The following STAT4 variants were observed in gnomAD, a reference collection of about 807,000 sequenced individuals.
STAT4 encodes the protein signal transducer and activator of transcription 4.
Under a neutral mutation model 110.5 loss-of-function variants are expected in STAT4, and 42 were observed. The observed-to-expected ratio is 0.38, with a 90% CI of 0.30 to 0.49. The LOEUF is 0.49. STAT4 is among the 20% of genes least tolerant of loss of function. The probability of loss-of-function intolerance (pLI) is 0.95; values close to 1 mark genes in which losing one functional copy is unlikely to be tolerated. For missense variants in STAT4, 632 were observed against 887.9 expected, an observed-to-expected ratio of 0.71 and a Z score of 3.66; for synonymous variants, 284 against 302.2, an observed-to-expected ratio of 0.94 and a Z score of 0.63.
intron 3 of STAT4, among the ~76,000 whole-genome samples, chr2:191,123,700 A>C (rs1268447921): frequency 6.6e-6 from 1 of 152,262 alleles, no homozygotes; most frequent in Non-Finnish European, 1.5e-5. Context: ...AAAGTGTTGA[A>C]TATCTCACAT....
intron 13 of STAT4, among the ~76,000 whole-genome samples, chr2:191,055,632 C>T (rs1017720880): frequency 2.0e-5 from 3 of 152,148 alleles, no homozygotes; most frequent in East Asian, 1.9e-4. Context: ...GGATTACAGG[C>T]GTGAGCCACC....
chr2:191,148,068 G>C lies in STAT4; in HGVS notation c.128+8C>G, dbSNP rs770377417. 3.8e-5 allele frequency: 61 copies of C among 1,613,224 alleles called. No homozygotes were observed. Among genetic ancestry groups the C allele is most frequent in the Non-Finnish European group, 4.8e-5 (57 of 1,179,560 alleles). On this transcript the variant is annotated splice_region_variant and intron_variant, in intron 2 of 23. Coordinates refer to ENST00000392320, the MANE Select transcript of STAT4 (RefSeq NM_003151.4). ...ATCAACTTCTAGGGAAAATATGTTT[G>C]ATCCTACCAGTCTTGATTTTCAATC...
intron 3 of STAT4, among the ~76,000 whole-genome samples, chr2:191,088,022 T>G (rs367675245): frequency 5.3e-5 from 8 of 152,150 alleles, no homozygotes; most frequent in African/African-American, 1.9e-4. Context: ...CAGCATCATA[T>G]TGCAAGTAGT....
chr2:191,130,193 T>A (rs73982625), intron 3 of STAT4, among the ~76,000 whole-genome samples: 5,175 of 151,284 alleles, frequency 0.034, 314 homozygotes, highest in African/African-American at 0.12. Flanking sequence ...CCTCACTTGT[T>A]ACTGTTTTGG....
Position 191,060,010 on chromosome 2 carries a change from A to G in STAT4, c.1035-1241T>C, listed in dbSNP as rs888421545. Among the ~76,000 whole-genome samples the G allele has an allele frequency of 2.0e-4, 30 of 152,296 alleles. No homozygotes were observed. The highest frequency in any genetic ancestry group is 7.0e-4 in the African/African-American group (29 of 41,562). On this transcript the variant is annotated intron_variant, in intron 10 of 23. Transcript: ENST00000392320. The surrounding 1 kb of genome is among the most constrained non-coding windows in gnomAD (Gnocchi z 4.5). ...ACAGGAGGATGCAAAAGTATGGCAA[A>G]GAGGGGTTTTAGGAAAACCTTGAGT...
intron 3 of STAT4, among the ~76,000 whole-genome samples, chr2:191,080,355 C>T (rs1424857581): frequency 1.3e-5 from 2 of 152,032 alleles, no homozygotes; most frequent in Non-Finnish European, 2.9e-5. Flanking sequence ...AACTACTTCA[C>T]TTTAGAGTTC....
Position 191,138,162 on chromosome 2 carries a change from T to TA in STAT4, c.273+8450dup, listed in dbSNP as rs1248754348. ...AAAAGGAACTCAAACTATTCAACAG[T>TA]AAAAACCAAATAATCCCATTAAAAA... is the stretch of plus-strand genomic sequence containing the variant. On this transcript the variant is annotated intron_variant, in intron 3 of 23. Transcript: ENST00000392320. The surrounding 1 kb of genome is among the most constrained non-coding windows in gnomAD (Gnocchi z 4.3). Among the ~76,000 whole-genome samples, 2 of 151,532 alleles carry TA rather than the reference T, an allele frequency of 1.3e-5. No homozygotes were observed. Among genetic ancestry groups the TA allele is most frequent in the Non-Finnish European group, 2.9e-5 (2 of 67,810 alleles).
At chr2:191,069,612 T>C in intron 6 of STAT4, 81 bp downstream of exon 6, 4 of 1,078,722 alleles carry the variant, frequency 3.7e-6, no homozygotes, top group Non-Finnish European at 5.6e-6. Flanking sequence ...AGATCAAATT[T>C]ATCCACTCTG....
rs1418264023 is a variant in STAT4 at position 191,147,903 on chromosome 2, C to A, written c.128+173G>T. Among the ~76,000 whole-genome samples the A allele has an allele frequency of 6.6e-6, 1 of 151,936 alleles. No individual in the cohort carries two copies. The highest frequency in any genetic ancestry group is 6.6e-5 in the Admixed American group (1 of 15,252). ...AACTTTTCATTTACAATGAATGGAACCAGAAAGGACAATTATTCCCCTTCT... is the reference window on the plus strand; with the variant it reads ...AACTTTTCATTTACAATGAATGGAAACAGAAAGGACAATTATTCCCCTTCT... On this transcript the variant is annotated intron_variant, in intron 2 of 23. Transcript: ENST00000392320. This position sits in a 1 kb window ranked among gnomAD's most constrained non-coding sequence, Gnocchi z 4.1.
At chr2:191,120,641 G>A (rs1489475973) in intron 3 of STAT4, among the ~76,000 whole-genome samples, 2 of 152,100 alleles carry the variant, frequency 1.3e-5, no homozygotes, top group South Asian at 2.1e-4. Flanking sequence ...ACCATCTGAT[G>A]TTTGACAAAC....
rs750130375 is a variant in STAT4 at position 191,033,183 on chromosome 2, T to C, written c.1853-34A>G. ...ACAGAAATTGGAGAAATATACAGGT[T>C]CCTGTACACATTCCTTGTGACCATT... On this transcript the variant is annotated intron_variant, in intron 20 of 23. Transcript: ENST00000392320. This position sits in a 1 kb window ranked among gnomAD's most constrained non-coding sequence, Gnocchi z 6.9. The C allele has an allele frequency of 6.3e-7, 1 of 1,593,396 alleles. No homozygotes were observed. Among genetic ancestry groups the C allele is most frequent in the South Asian group, 1.1e-5 (1 of 88,678 alleles).
rs1696759192 is a variant in STAT4 at position 191,058,287 on chromosome 2, T to G, written c.1095-68A>C. The stretch of plus-strand genomic sequence containing the variant: ...ATCTAGGAATAACTTTCTATGATAG[T>G]TTATTTTATTTATTTATTTATTTAT... On this transcript the variant is annotated intron_variant, in intron 11 of 23. Coordinates refer to ENST00000392320, the MANE Select transcript of STAT4 (RefSeq NM_003151.4). The surrounding 1 kb of genome is among the most constrained non-coding windows in gnomAD (Gnocchi z 4.3). 1 of 1,381,514 alleles carries G rather than the reference T, an allele frequency of 7.2e-7. No homozygotes were observed. The highest frequency in any genetic ancestry group is 2.2e-5 in the Admixed American group (1 of 46,458). 85.6% of individuals were successfully genotyped at this position (1,381,514 alleles called of 1,614,324 possible). A position where few individuals can be genotyped will look rare whatever the true frequency, so the allele number is the denominator to read the frequency against.
chr2:191,139,324 G>A (rs1699260982), intron 3 of STAT4, among the ~76,000 whole-genome samples: 3 of 152,170 alleles, frequency 2.0e-5, no homozygotes, highest in Admixed American at 2.0e-4. Context: ...GTTTGCTGAT[G>A]ATATAATCGT....
At position 191,138,968 on chromosome 2, in the gene STAT4, T is replaced by C. The variant is rs1399874338; in HGVS notation, c.273+7645A>G. 2.0e-5 allele frequency among the ~76,000 whole-genome samples: 3 copies of C among 152,038 alleles called. No individual in the cohort carries two copies. Among genetic ancestry groups the C allele is most frequent in the African/African-American group, 7.2e-5 (3 of 41,396 alleles). On this transcript the variant is annotated intron_variant, in intron 3 of 23. Transcript: ENST00000392320. This position sits in a 1 kb window ranked among gnomAD's most constrained non-coding sequence, Gnocchi z 4.3. ...TTAACACACGCAAAGTCAATAAATA[T>C]GATACATTACATAAACAGAATTAGA...
rs566520146 is a variant in STAT4, at chr2:191,030,089, C to T, written c.2221-223G>A. The stretch of plus-strand genomic sequence containing the variant: ...ACAGAAAAGTGTTTTAAGAAAAAGG[C>T]CTGTTTATCCACCAAAAACATAATG... On this transcript the variant is annotated intron_variant, in intron 23 of 23. Transcript: ENST00000392320. The surrounding 1 kb of genome is among the most constrained non-coding windows in gnomAD (Gnocchi z 4.4). Among the ~76,000 whole-genome samples the T allele has an allele frequency of 2.0e-5, 3 of 152,216 alleles. No individual in the cohort carries two copies. Among genetic ancestry groups the T allele is most frequent in the Admixed American group, 1.3e-4 (2 of 15,292 alleles).
chr2:191,145,734 G>A (rs1216402929), intron 3 of STAT4, among the ~76,000 whole-genome samples: 2 of 152,196 alleles, frequency 1.3e-5, no homozygotes, highest in African/African-American at 2.4e-5. Flanking sequence ...TGTGTTAATT[G>A]TAGGTTTTGG....
intron 3 of STAT4, among the ~76,000 whole-genome samples, chr2:191,121,246 G>T (rs1298975072): frequency 6.6e-6 from 1 of 152,140 alleles, no homozygotes; most frequent in Admixed American, 6.5e-5. Context: ...CAGTTAGAAT[G>T]GCAATCATTA....
At position 191,034,024 on chromosome 2, in the gene STAT4, A is replaced by C; in HGVS notation, c.1621-19T>G. On this transcript the variant is annotated intron_variant, in intron 18 of 23. Coordinates refer to ENST00000392320, the MANE Select transcript of STAT4 (RefSeq NM_003151.4). The stretch of plus-strand genomic sequence containing the variant: ...AATGTTCCTACAGGAATAGACAAGC[A>C]CATTAAGACAATGATTATTTAAGTA... 2 of 1,473,250 alleles carry C rather than the reference A, an allele frequency of 1.4e-6. No homozygotes were observed. The highest frequency in any genetic ancestry group is 1.4e-5 in the African/African-American group (1 of 70,734). The allele number at this position is 1,473,250 out of a possible 1,614,324, so 91.3% of individuals were successfully genotyped here.
Position 191,082,171 on chromosome 2 carries a change from T to C in STAT4, c.274-5846A>G, listed in dbSNP as rs1697501957. Among the ~76,000 whole-genome samples the C allele has an allele frequency of 6.6e-6, 1 of 152,190 alleles. No homozygotes were observed. The highest frequency in any genetic ancestry group is 6.5e-5 in the Admixed American group (1 of 15,278). The stretch of plus-strand genomic sequence containing the variant: ...CAAAATATAATACAACTTTATCTAC[T>C]TGTGAGCATCTTCCTTTCTTACATC... On this transcript the variant is annotated intron_variant, in intron 3 of 23. Coordinates refer to ENST00000392320, the MANE Select transcript of STAT4 (RefSeq NM_003151.4). The surrounding 1 kb of genome is among the most constrained non-coding windows in gnomAD (Gnocchi z 4.7).
Sources: gnomAD v4.1 joint callset for allele counts (sites outside exome capture counted in the v4.1 genomes callset) on GRCh38, gnomAD v4.1.1 for gene constraint, Gnocchi (gnomAD v3.1) non-coding constraint, MANE v1.5 for transcripts, NCBI Gene and HGNC (gene_info 2026-07-23, HGNC 2026-07-21) for gene names.